The following COL4A3 variants were observed in gnomAD, a reference collection of about 807,000 sequenced individuals.
COL4A3 encodes the protein collagen type IV alpha 3 chain.
A neutral mutation model predicts 217.4 loss-of-function variants in COL4A3; 135 were observed. The ratio of observed to expected loss-of-function variants is 0.62; its 90% CI spans 0.54 to 0.72. The LOEUF is 0.72. COL4A3 is among the 30% of genes least tolerant of loss of function. COL4A3 has a pLI of 0.00. For missense variants in COL4A3, 1,868 were observed against 2,119.9 expected (o/e 0.88, Z 2.33); for synonymous variants, 690 against 736.3 (o/e 0.94, Z 1.02).
intron 1 of COL4A3, among the ~76,000 whole-genome samples, chr2:227,213,901 C>CAAAAAA (rs5839195): frequency 1.1e-4 from 10 of 88,836 alleles, no homozygotes; most frequent in East Asian, 5.9e-4. Flanking sequence ...AACTCTGTCT[C>CAAAAAA]AAAAAAAAAA....
chr2:227,189,838 A>T (rs2066164967), intron 1 of COL4A3, among the ~76,000 whole-genome samples: 1 of 152,214 alleles, frequency 6.6e-6, no homozygotes, highest in Non-Finnish European at 1.5e-5. Flanking sequence ...TCTTCACATG[A>T]TGTCTGCTTC....
chr2:227,224,809 T>C (rs1230122574), intron 1 of COL4A3, among the ~76,000 whole-genome samples: 2 of 152,188 alleles, frequency 1.3e-5, no homozygotes, highest in African/African-American at 4.8e-5. Context: ...TAATAAATTA[T>C]AGGACTTTAA....
At chr2:227,259,196 T>C (rs1321489474) in intron 18 of COL4A3, 2 of 152,230 alleles carry the variant, frequency 1.3e-5, no homozygotes, top group African/African-American at 4.8e-5. Flanking sequence ...AAGTTCCACT[T>C]AGGAAGGAAA....
At chr2:227,258,985 G>A (rs1025605560) in intron 18 of COL4A3, among the ~76,000 whole-genome samples, 1 of 150,864 alleles carries the variant, frequency 6.6e-6, no homozygotes, top group South Asian at 2.1e-4. Flanking sequence ...GATCCATCTA[G>A]CATATGAAAA....
chr2:227,235,715 C>A (rs1373322006), intron 1 of COL4A3, among the ~76,000 whole-genome samples: 5 of 150,272 alleles, frequency 3.3e-5, no homozygotes, highest in Admixed American at 3.3e-4. Flanking sequence ...AGTTACTTCA[C>A]TTAGAATAAT....
intron 50 of COL4A3, 121 bp from the exon 51 acceptor site, chr2:227,310,655 A>G: frequency 1.2e-6 from 1 of 823,548 alleles, no homozygotes; most frequent in Non-Finnish European, 2.1e-6. Context: ...AGCATCGCTC[A>G]TGATCATTCC....
intron 28 of COL4A3, chr2:227,279,458 T>C: frequency 4.2e-6 from 1 of 237,898 alleles, no homozygotes. Flanking sequence ...TACATGAATA[T>C]ATCCATATAT....
intron 20 of COL4A3, among the ~76,000 whole-genome samples, chr2:227,262,623 C>T (rs755608711): frequency 6.6e-6 from 1 of 152,028 alleles, no homozygotes; most frequent in Non-Finnish European, 1.5e-5. Flanking sequence ...AAATGTATTC[C>T]TAGGTATTTT....
chr2:227,288,999 G>A, intron 34 of COL4A3, 151 bp from the exon 35 acceptor site: 2 of 597,974 alleles, frequency 3.3e-6, no homozygotes, highest in Non-Finnish European at 3.1e-6. Context: ...CGCCCACGCT[G>A]GAGTGCAGTG....
chr2:227,247,467 G>A, intron 7 of COL4A3, 91 bp from the exon 8 acceptor site: 1 of 1,178,354 alleles, frequency 8.5e-7, no homozygotes, highest in South Asian at 1.2e-5. Flanking sequence ...GTGGGGAGAG[G>A]ATACACAATA....
Position 227,290,896 on chromosome 2 carries a change from C to T in COL4A3, c.3210+10C>T. 6.2e-7 allele frequency: 1 copy of T among 1,608,344 alleles called. No homozygotes were observed. Among genetic ancestry groups the T allele is most frequent in the Non-Finnish European group, 8.5e-7 (1 of 1,178,078 alleles). On this transcript the variant is annotated intron_variant, in intron 37 of 51. Coordinates refer to ENST00000396578, the MANE Select transcript of COL4A3 (RefSeq NM_000091.5). ...ACCACCGGGACCAACGGTATATAGG[C>T]CACTGAAATATTTACATTTTAGTGG... is the stretch of plus-strand genomic sequence containing the variant.
chr2:227,211,847 G>A (rs1033280001), intron 1 of COL4A3, among the ~76,000 whole-genome samples: 4 of 151,866 alleles, frequency 2.6e-5, no homozygotes, highest in Non-Finnish European at 5.9e-5. Context: ...TAGTAGAGAC[G>A]GGGTTTCACC....
intron 1 of COL4A3, among the ~76,000 whole-genome samples, chr2:227,233,651 T>C (rs1167999737): frequency 6.6e-6 from 1 of 152,188 alleles, no homozygotes; most frequent in African/African-American, 2.4e-5. Flanking sequence ...CACTAAAAGT[T>C]CAAGACCCAA....
rs2072058561 is a variant in COL4A3 at position 227,282,633 on chromosome 2, A to C, written c.2656+101A>C. 9.1e-7 allele frequency: 1 copy of C among 1,093,186 alleles called. No homozygotes were observed. The highest frequency in any genetic ancestry group is 1.6e-5 in the African/African-American group (1 of 63,482). 67.7% of individuals were successfully genotyped at this position (1,093,186 alleles called of 1,614,324 possible). Reference sequence around the variant, plus strand: ...CATACGCTTTTTACTCTATGCTTTTACTTAATATAAGGTTTTCCTTCTAAA... The same window carrying C: ...CATACGCTTTTTACTCTATGCTTTTCCTTAATATAAGGTTTTCCTTCTAAA... On this transcript the variant is annotated intron_variant, in intron 32 of 51. Coordinates refer to ENST00000396578, the MANE Select transcript of COL4A3 (RefSeq NM_000091.5). This position sits in a 1 kb window ranked among gnomAD's most constrained non-coding sequence, Gnocchi z 4.4.
intron 1 of COL4A3, among the ~76,000 whole-genome samples, chr2:227,220,162 G>GTGTA (rs2067711172): frequency 6.9e-6 from 1 of 145,520 alleles, no homozygotes; most frequent in South Asian, 2.2e-4. Flanking sequence ...GTGTGTGTGT[G>GTGTA]TGTTTCAGAG....
intron 7 of COL4A3, chr2:227,246,988 G>A (rs1401579031): frequency 1.1e-5 from 7 of 634,278 alleles, no homozygotes; most frequent in African/African-American, 3.6e-5. Context: ...TTCACTCAGA[G>A]AAGAGGTTCC....
chr2:227,276,666 A>G (rs535114753), intron 27 of COL4A3, among the ~76,000 whole-genome samples, 189 bp downstream of exon 27: 76 of 152,370 alleles, frequency 5.0e-4, no homozygotes, highest in African/African-American at 1.8e-3. Context: ...AGGTTATCCA[A>G]ATTATTCTCA....
At position 227,297,849 on chromosome 2, in the gene COL4A3, A is replaced by C; in HGVS notation, c.3741A>C (p.Arg1247Ser). The C allele has an allele frequency of 6.4e-7, 1 of 1,558,290 alleles. No homozygotes were observed. The highest frequency in any genetic ancestry group is 8.7e-7 in the Non-Finnish European group (1 of 1,150,236). ...QTGNRGPPGS[R>S]GSPGAPGPPG... The stretch of plus-strand genomic sequence containing the variant: ...GAAATCGTGGTCCACCAGGCTCAAG[A>C]GGAAGCCCAGGTAAAGGGTTTACTT... The change falls in exon 42 of 52, where the codon AGA becomes AGC. Residue 1247 changes from arginine to serine, a missense_variant. By Grantham distance (110) the Arg-to-Ser change is moderately radical. Transcript: ENST00000396578.
At chr2:227,239,013 C>A (rs1248630574) in intron 2 of COL4A3, among the ~76,000 whole-genome samples, 1 of 152,108 alleles carries the variant, frequency 6.6e-6, no homozygotes, top group Non-Finnish European at 1.5e-5. Context: ...TGTGTGTGCA[C>A]ACACACAATG....
Sources: gnomAD v4.1 joint callset for allele counts (sites outside exome capture counted in the v4.1 genomes callset) on GRCh38, gnomAD v4.1.1 for gene constraint, Gnocchi (gnomAD v3.1) non-coding constraint, MANE v1.5 for transcripts, NCBI Gene and HGNC (gene_info 2026-07-23, HGNC 2026-07-21) for gene names.